The following NPIPB15 variants were observed in gnomAD, a reference collection of about 807,000 sequenced individuals.
NPIPB15 encodes the protein nuclear pore complex-interacting protein family member B15.
In NPIPB15, 5 loss-of-function variants were observed where a neutral mutation model predicts 35.9. The observed-to-expected ratio is 0.14, with a 90% CI of 0.07 to 0.29. The LOEUF is 0.29. Among genes scored for constraint, NPIPB15 ranks in the 10% least tolerant of loss-of-function variants. The probability of loss-of-function intolerance (pLI) is 1.00; values close to 1 mark genes in which losing one functional copy is unlikely to be tolerated. For missense variants in NPIPB15, 100 were observed against 506.1 expected, an observed-to-expected ratio of 0.20 and a Z score of 7.70; for synonymous variants, 43 against 182.0, an observed-to-expected ratio of 0.24 and a Z score of 6.15.
intron 2 of NPIPB15, among the ~76,000 whole-genome samples, chr16:74,378,423 CTTTT>C (rs1002146100): frequency 1.3e-4 from 11 of 86,122 alleles, no homozygotes; most frequent in African/African-American, 2.5e-4. Flanking sequence ...GGTTTGATGC[CTTTT>C]TTTTTTTTTT....
chr16:74,386,453 G>C lies in NPIPB15; in HGVS notation c.545+704G>C, dbSNP rs1260201647. ...TTACAGGTGTGTGCCACCACATTCG[G>C]CCAATTTTTTTTTTTTTTTTTTTGA... is the stretch of plus-strand genomic sequence containing the variant. On this transcript the variant is annotated intron_variant, in intron 5 of 7. Transcript: ENST00000692376. Among the ~76,000 whole-genome samples, 4 of 117,412 alleles carry C rather than the reference G, an allele frequency of 3.4e-5. No homozygotes were observed. In the South Asian group the frequency reaches 1.2e-3, roughly 34 times the overall value. The allele number at this position is 117,412 out of a possible 152,430, so 77.0% of individuals were successfully genotyped here.
intron 2 of NPIPB15, among the ~76,000 whole-genome samples, chr16:74,379,584 A>G (rs1432730358): frequency 7.3e-6 from 1 of 137,186 alleles, no homozygotes; most frequent in Non-Finnish European, 1.5e-5. Context: ...CCACCTTGGT[A>G]ATTTTTTTTT....
chr16:74,376,793 T>G lies in NPIPB15; in HGVS notation c.-576T>G, dbSNP rs1439470142. Among the ~76,000 whole-genome samples the G allele has an allele frequency of 1.3e-5, 2 of 149,696 alleles. No homozygotes were observed. Among genetic ancestry groups the G allele is most frequent in the African/African-American group, 4.9e-5 (2 of 40,980 alleles). On this transcript the variant is annotated 5_prime_UTR_variant, in exon 1 of 8. Coordinates refer to ENST00000692376, the MANE Select transcript of NPIPB15 (RefSeq NM_001306094.2). ...GAGACATTTTATTGCCATGTTATGA[T>G]CTCATCATTGAGTTGAAAGGCAATC... is the stretch of plus-strand genomic sequence containing the variant.
intron 2 of NPIPB15, among the ~76,000 whole-genome samples, chr16:74,378,957 C>A (rs1281406888): frequency 6.6e-6 from 1 of 151,964 alleles, no homozygotes; most frequent in Non-Finnish European, 1.5e-5. Flanking sequence ...TGTGCCACCA[C>A]TCCCAGCTAA....
At chr16:74,386,285 T>A (rs1334702332) in intron 5 of NPIPB15, among the ~76,000 whole-genome samples, 2 of 30,066 alleles carry the variant, frequency 6.7e-5, no homozygotes, top group Non-Finnish European at 1.5e-4. Flanking sequence ...ACACCCAGCC[T>A]TTTTTTTTTT....
chr16:74,390,925 T>G (rs1410028632), intron 7 of NPIPB15: 1 of 875,966 alleles, frequency 1.1e-6, no homozygotes, highest in African/African-American at 1.9e-5. Context: ...CTGGAAAACA[T>G]TCTCCAAAAA....
chr16:74,377,957 C>G lies in NPIPB15; in HGVS notation c.-17C>G. ...CTCTGTCCTGGCCGCCTCAGGGCGC[C>G]CTGAAAGGACCAGGACATGCGGCTG... On this transcript the variant is annotated 5_prime_UTR_variant, in exon 2 of 8. Coordinates refer to ENST00000692376, the MANE Select transcript of NPIPB15 (RefSeq NM_001306094.2). 2 of 1,589,278 alleles carry G rather than the reference C, an allele frequency of 1.3e-6. No homozygotes were observed. The highest frequency in any genetic ancestry group is 1.7e-6 in the Non-Finnish European group (2 of 1,168,772).
chr16:74,379,559 C>G (rs1386613924), intron 2 of NPIPB15, among the ~76,000 whole-genome samples: 13 of 150,272 alleles, frequency 8.7e-5, no homozygotes, highest in South Asian at 8.4e-4. Flanking sequence ...ACTATTCATG[C>G]CATTTTCATG....
intron 3 of NPIPB15, 186 bp downstream of exon 3, chr16:74,381,884 CG>C (rs1567412950): frequency 3.1e-5 from 25 of 802,068 alleles, no homozygotes; most frequent in African/African-American, 5.7e-5. Flanking sequence ...TTAAATAGGT[CG>C]GTGTTTGTTT....
intron 2 of NPIPB15, among the ~76,000 whole-genome samples, chr16:74,380,835 A>G (rs1475495238): frequency 1.4e-5 from 2 of 148,066 alleles, no homozygotes; most frequent in African/African-American, 4.9e-5. Context: ...AAAACAAAAC[A>G]CCAAACAAAA....
intron 3 of NPIPB15, among the ~76,000 whole-genome samples, chr16:74,384,990 CTTGTGTGTGT>C (rs1567414304): frequency 2.3e-5 from 2 of 86,750 alleles, no homozygotes; most frequent in African/African-American, 9.3e-5. Flanking sequence ...TCATGTCATT[CTTGTGTGTGT>C]GTGTGTGTGT....
chr16:74,378,423 C>CTTTT (rs1002146100), intron 2 of NPIPB15, among the ~76,000 whole-genome samples: 88 of 86,112 alleles, frequency 1.0e-3, no homozygotes, highest in East Asian at 2.8e-3. Context: ...GGTTTGATGC[C>CTTTT]TTTTTTTTTT....
Position 74,391,490 on chromosome 16 carries a change from C to T in NPIPB15, c.742C>T (p.Pro248Ser), listed in dbSNP as rs2012543335. Residue 248 changes from proline (P) to serine (S), a missense_variant, in exon 8 of 8, where the codon CCT (proline) becomes TCT (serine). Pro to Ser is a moderately conservative substitution (Grantham distance 74). Transcript: ENST00000692376. ...ALKNRMGRQP[P>S]PPTQQHSITD... Reference sequence around the variant, plus strand: ...AAAAAACAGGATGGGCCGCCAGCCACCTCCTCCAACTCAACAACATTCTAT... The same window carrying T: ...AAAAAACAGGATGGGCCGCCAGCCATCTCCTCCAACTCAACAACATTCTAT... 1.2e-6 allele frequency: 2 copies of T among 1,610,832 alleles called. No individual in the cohort carries two copies. The highest frequency in any genetic ancestry group is 1.3e-5 in the African/African-American group (1 of 74,924).
At chr16:74,386,280 C>G (rs2012273998) in intron 5 of NPIPB15, among the ~76,000 whole-genome samples, 1 of 131,046 alleles carries the variant, frequency 7.6e-6, no homozygotes, top group Non-Finnish European at 1.6e-5. Flanking sequence ...CCACCACACC[C>G]AGCCTTTTTT....
At chr16:74,389,064 C>T (rs1302150880) in intron 5 of NPIPB15, among the ~76,000 whole-genome samples, 3 of 148,502 alleles carry the variant, frequency 2.0e-5, no homozygotes, top group African/African-American at 7.4e-5. Context: ...AAACTCGGTT[C>T]ATACCAGCCA....
chr16:74,389,175 C>G (rs116971923), intron 5 of NPIPB15, among the ~76,000 whole-genome samples: 45,720 of 97,536 alleles, frequency 0.47, 8,610 homozygotes, highest in East Asian at 0.69. Context: ...AAGCCCAGCT[C>G]TTTCTGCCCT....
chr16:74,381,798 G>A, intron 3 of NPIPB15, 100 bp downstream of exon 3: 1 of 1,219,528 alleles, frequency 8.2e-7, no homozygotes, highest in Non-Finnish European at 1.1e-6. Flanking sequence ...TGAATATGTG[G>A]TTTTACCCAA....
chr16:74,378,423 CTTTTT>C (rs1002146100), intron 2 of NPIPB15, among the ~76,000 whole-genome samples: 1 of 86,124 alleles, frequency 1.2e-5, no homozygotes, highest in South Asian at 4.7e-4. Flanking sequence ...GGTTTGATGC[CTTTTT>C]TTTTTTTTTT....
intron 5 of NPIPB15, among the ~76,000 whole-genome samples, chr16:74,389,276 T>C (rs1646097654): frequency 6.6e-6 from 1 of 150,386 alleles, no homozygotes; most frequent in Non-Finnish European, 1.5e-5. Context: ...ATACTGAGAA[T>C]GGGGAAGGAA....
Sources: allele counts gnomAD v4.1 joint callset (sites outside exome capture counted in the v4.1 genomes callset), GRCh38; gene constraint gnomAD v4.1.1; transcripts MANE v1.5; gene names NCBI Gene and HGNC (gene_info 2026-07-23, HGNC 2026-07-21).